Variants in CMIP observed in about 807,000 individuals in gnomAD.
CMIP encodes C-Maf-inducing protein.
In CMIP, 13 loss-of-function variants were observed where a neutral mutation model predicts 97.3. The ratio of observed to expected loss-of-function variants is 0.13; its 90% CI spans 0.09 to 0.21. CMIP has a LOEUF of 0.21. Among genes scored for constraint, CMIP ranks in the 10% least tolerant of loss-of-function variants. The probability of loss-of-function intolerance (pLI) is 1.00; values close to 1 mark genes in which losing one functional copy is unlikely to be tolerated. For missense variants in CMIP, 847 were observed against 1,024.9 expected, an observed-to-expected ratio of 0.83 and a Z score of 2.37; for synonymous variants, 538 against 436.3, an observed-to-expected ratio of 1.23 and a Z score of -2.91.
At chr16:81,545,840 AG>A (rs2090536523) in intron 1 of CMIP, among the ~76,000 whole-genome samples, 1 of 152,116 alleles carries the variant, frequency 6.6e-6, no homozygotes, top group Non-Finnish European at 1.5e-5. Flanking sequence ...ACACAGTACA[AG>A]TCTGGGTCTC....
rs762786902 is a variant in CMIP, at chr16:81,671,952, C to G, written c.930-14C>G. 1.3e-6 allele frequency: 2 copies of G among 1,507,920 alleles called. No individual in the cohort carries two copies. Among genetic ancestry groups the G allele is most frequent in the African/African-American group, 1.4e-5 (1 of 73,072 alleles). 93.4% of individuals were successfully genotyped at this position (1,507,920 alleles called of 1,614,324 possible). On this transcript the variant is annotated splice_polypyrimidine_tract_variant and intron_variant, in intron 8 of 20. Transcript: ENST00000537098. ...CCTGCAGGCTTCTCACCCCAGCCCT[C>G]TGCTTTTTTCCAGCATGCACGGCCC...
intron 1 of CMIP, among the ~76,000 whole-genome samples, chr16:81,549,061 G>C (rs2090604172): frequency 1.3e-5 from 2 of 148,806 alleles, no homozygotes; most frequent in Non-Finnish European, 2.9e-5. Context: ...CTATTTTACT[G>C]CAGGCTTAGG....
At chr16:81,598,676 G>GT (rs1266131407) in intron 1 of CMIP, among the ~76,000 whole-genome samples, 3 of 152,184 alleles carry the variant, frequency 2.0e-5, no homozygotes, top group African/African-American at 7.2e-5. Flanking sequence ...CAGAAGAGCA[G>GT]TAACGTTCGG....
At chr16:81,475,017 G>T (rs1446461918) in intron 1 of CMIP, among the ~76,000 whole-genome samples, 1 of 152,198 alleles carries the variant, frequency 6.6e-6, no homozygotes, top group African/African-American at 2.4e-5. Context: ...AGTTTAAGTG[G>T]CCCTCTTCAC....
intron 1 of CMIP, among the ~76,000 whole-genome samples, chr16:81,550,876 C>T (rs1300344259): frequency 6.6e-6 from 1 of 151,556 alleles, no homozygotes; most frequent in East Asian, 1.9e-4. Flanking sequence ...ACACACACCC[C>T]AGTTCCATCA....
chr16:81,503,695 C>A (rs566041986), intron 1 of CMIP, among the ~76,000 whole-genome samples: 1 of 152,374 alleles, frequency 6.6e-6, no homozygotes, highest in Admixed American at 6.5e-5. Context: ...CCGCGCCTGG[C>A]CTTCTGCCCC....
At chr16:81,663,152 A>G (rs538119441) in intron 6 of CMIP, among the ~76,000 whole-genome samples, 18 of 152,198 alleles carry the variant, frequency 1.2e-4, no homozygotes, top group African/African-American at 4.3e-4. Context: ...TCCCCAAATG[A>G]GTTCAACACA....
chr16:81,661,207 G>T (rs1186041658), intron 6 of CMIP, among the ~76,000 whole-genome samples: 2 of 152,244 alleles, frequency 1.3e-5, no homozygotes, highest in East Asian at 1.9e-4. Flanking sequence ...TAGGAGACAG[G>T]TTGCTGCAGA....
Position 81,541,553 on chromosome 16 carries a change from G to C in CMIP, c.301-66014G>C, listed in dbSNP as rs141626832. ...TTACCAAACCTGGTTACGCTGGTGA[G>C]AGGTGTTACTGGATTTACACAGTTT... On this transcript the variant is annotated intron_variant, in intron 1 of 20. Transcript: ENST00000537098. Among the ~76,000 whole-genome samples the C allele has an allele frequency of 2.6e-5, 4 of 152,314 alleles. No individual in the cohort carries two copies. In the East Asian group the frequency reaches 7.7e-4, roughly 29 times the overall value.
chr16:81,516,568 C>T (rs1046745233), intron 1 of CMIP, among the ~76,000 whole-genome samples: 2 of 152,190 alleles, frequency 1.3e-5, no homozygotes, highest in East Asian at 1.9e-4. Flanking sequence ...AGCTCATCGC[C>T]GTCAGAGGAA....
intron 1 of CMIP, among the ~76,000 whole-genome samples, chr16:81,542,591 TAA>T (rs2090468739): frequency 6.6e-6 from 1 of 152,188 alleles, no homozygotes; most frequent in African/African-American, 2.4e-5. Flanking sequence ...CTGGGTGGCT[TAA>T]ACCACAGGCA....
chr16:81,546,261 C>T (rs768464918), intron 1 of CMIP, among the ~76,000 whole-genome samples: 17 of 152,284 alleles, frequency 1.1e-4, no homozygotes, highest in South Asian at 4.2e-4. Context: ...CCTACTTCTC[C>T]CATGGTGTCC....
chr16:81,489,689 C>G (rs1431099587), intron 1 of CMIP, among the ~76,000 whole-genome samples: 13 of 152,202 alleles, frequency 8.5e-5, no homozygotes, highest in Admixed American at 8.5e-4. Context: ...CCCCTCCCTT[C>G]TCTGTGAAAC....
intron 3 of CMIP, among the ~76,000 whole-genome samples, chr16:81,638,845 G>C (rs2092269169): frequency 6.6e-6 from 1 of 151,982 alleles, no homozygotes; most frequent in Non-Finnish European, 1.5e-5. Flanking sequence ...AGGCTGTGTT[G>C]AGTTTTAGAA....
At chr16:81,487,524 G>T (rs1485930146) in intron 1 of CMIP, among the ~76,000 whole-genome samples, 2 of 152,188 alleles carry the variant, frequency 1.3e-5, no homozygotes, top group Non-Finnish European at 1.5e-5. Context: ...AGCATGGCCC[G>T]CGTGGCTTCC....
At chr16:81,589,729 A>T (rs1300544016) in intron 1 of CMIP, among the ~76,000 whole-genome samples, 2 of 152,256 alleles carry the variant, frequency 1.3e-5, no homozygotes, top group Non-Finnish European at 2.9e-5. Context: ...TGAACCAGAT[A>T]AAATGCATAC....
chr16:81,455,935 A>G lies in CMIP; in HGVS notation c.300+10394A>G, dbSNP rs144615646. Among the ~76,000 whole-genome samples, 455 of 152,304 alleles carry G rather than the reference A, an allele frequency of 3.0e-3. 1 individual carries two copies. Among genetic ancestry groups the G allele is most frequent in the African/African-American group, 0.01 (427 of 41,568 alleles). Reference sequence around the variant, plus strand: ...CCAGGGACACAGTTGGGCACCTTGTAGGCGACGCAGGAGTGGCACTCTGCC... The same window carrying G: ...CCAGGGACACAGTTGGGCACCTTGTGGGCGACGCAGGAGTGGCACTCTGCC... On this transcript the variant is annotated intron_variant, in intron 1 of 20. Transcript: ENST00000537098.
At chr16:81,589,775 G>A (rs2091438917) in intron 1 of CMIP, among the ~76,000 whole-genome samples, 3 of 152,258 alleles carry the variant, frequency 2.0e-5, no homozygotes, top group Admixed American at 6.5e-5. Context: ...ATAAAAAGTA[G>A]CCTTCTCTCT....
chr16:81,591,325 C>T (rs1200833759), intron 1 of CMIP, among the ~76,000 whole-genome samples: 1 of 152,132 alleles, frequency 6.6e-6, no homozygotes, highest in African/African-American at 2.4e-5. Context: ...AGCTAAGGTG[C>T]CAGATAGAGA....
Sources: gnomAD v4.1 joint callset for allele counts (sites outside exome capture counted in the v4.1 genomes callset) on GRCh38, gnomAD v4.1.1 for gene constraint, MANE v1.5 for transcripts, NCBI Gene and HGNC (gene_info 2026-07-23, HGNC 2026-07-21) for gene names.